The following FASTKD2 variants were observed in gnomAD, a reference collection of about 807,000 sequenced individuals.
FASTKD2 encodes the protein FAST kinase domains 2, also known as FAST kinase domain-containing protein 2, mitochondrial.
In FASTKD2, 51 loss-of-function variants were observed where a neutral mutation model predicts 63.6. The observed-to-expected ratio is 0.80, with a 90% confidence interval of 0.64 to 1.01. The LOEUF is 1.01. FASTKD2 is among the 50% of genes least tolerant of loss of function. The probability of loss-of-function intolerance (pLI) is 0.00; values close to 1 mark genes in which losing one functional copy is unlikely to be tolerated. For missense variants in FASTKD2, 786 were observed against 831.1 expected, an observed-to-expected ratio of 0.95 and a Z score of 0.67; for synonymous variants, 284 against 293.4, an observed-to-expected ratio of 0.97 and a Z score of 0.33.
intron 10 of FASTKD2, chr2:206,789,298 C>T (rs748168819): frequency 3.9e-5 from 7 of 179,472 alleles, no homozygotes; most frequent in Non-Finnish European, 8.2e-5. Context: ...TGCTCTACCA[C>T]CAAGACTTTT....
intron 7 of FASTKD2, among the ~76,000 whole-genome samples, chr2:206,777,473 T>A (rs985429697): frequency 6.6e-6 from 1 of 152,202 alleles, no homozygotes; most frequent in African/African-American, 2.4e-5. Flanking sequence ...GTGTATCTCA[T>A]TAATTGACTT....
chr2:206,796,116 T>C lies in FASTKD2; in HGVS notation c.*4314T>C, dbSNP rs758277376. Among the ~76,000 whole-genome samples the C allele has an allele frequency of 6.6e-6, 1 of 152,224 alleles. No individual in the cohort carries two copies. Among genetic ancestry groups the C allele is most frequent in the Non-Finnish European group, 1.5e-5 (1 of 68,036 alleles). On this transcript the variant is annotated 3_prime_UTR_variant, in exon 12 of 12. Coordinates refer to ENST00000402774, the MANE Select transcript of FASTKD2 (RefSeq NM_001136193.2). ...TCTGTTATCAGCAAGTAAATCCTGA[T>C]TGATAAAGATACTACAATATATGCA...
Position 206,771,930 on chromosome 2 carries a change from T to G in FASTKD2, c.1027T>G (p.Leu343Val). ...ALRELDRFSV[L>V]NSQHMFEVLA... is the part of the protein sequence containing the mutation. ...GAGGGAATTAGACAGATTTTCTGTTTTGAATAGCCAACACATGTTTGAAGT... is the reference window on the plus strand; with the variant it reads ...GAGGGAATTAGACAGATTTTCTGTTGTGAATAGCCAACACATGTTTGAAGT... Residue 343 changes from leucine to valine, a missense_variant, in exon 5 of 12, where the codon TTG becomes GTG. Leu to Val is a conservative substitution (Grantham distance 32, BLOSUM62 1). Transcript: ENST00000402774. The G allele has an allele frequency of 6.2e-7, 1 of 1,610,658 alleles. No individual in the cohort carries two copies. Among genetic ancestry groups the G allele is most frequent in the Non-Finnish European group, 8.5e-7 (1 of 1,176,832 alleles).
chr2:206,791,750 A>G lies in FASTKD2; in HGVS notation c.2081A>G (p.Tyr694Cys). ...DAVTFLKTKI[Y>C]SVEALPVAAV... ...GTCACATTTTTGAAGACTAAAATCT[A>G]TTCAGTAGAAGCTCTTCCTGTTGCT... is the stretch of plus-strand genomic sequence containing the variant. The change falls in exon 12 of 12, where the codon TAT becomes TGT. Residue 694 changes from tyrosine to cysteine, a missense_variant. Tyr to Cys is a radical substitution (Grantham distance 194). Coordinates refer to ENST00000402774, the MANE Select transcript of FASTKD2 (RefSeq NM_001136193.2). 6.2e-7 allele frequency: 1 copy of G among 1,612,776 alleles called. No homozygotes were observed. Among genetic ancestry groups the G allele is most frequent in the Non-Finnish European group, 8.5e-7 (1 of 1,179,026 alleles).
Position 206,790,691 on chromosome 2 carries a change from GA to G in FASTKD2, c.2013+12del. The G allele has an allele frequency of 8.0e-6, 12 of 1,507,076 alleles. No homozygotes were observed. The highest frequency in any genetic ancestry group is 1.1e-5 in the Non-Finnish European group (12 of 1,082,548). The allele number at this position is 1,507,076 out of a possible 1,614,324, so 93.4% of individuals were successfully genotyped here. On this transcript the variant is annotated splice_donor_region_variant and intron_variant, in intron 11 of 11. Coordinates refer to ENST00000402774, the MANE Select transcript of FASTKD2 (RefSeq NM_001136193.2). ...ATGGGTTTTCATGTGATCTTGGTGA[GA>G]AAAAAATGCAAATGAAATATTCTTT... is the stretch of plus-strand genomic sequence containing the variant.
At chr2:206,777,210 T>G (rs1260425219) in intron 7 of FASTKD2, among the ~76,000 whole-genome samples, 1 of 152,118 alleles carries the variant, frequency 6.6e-6, no homozygotes, top group Non-Finnish European at 1.5e-5. Flanking sequence ...TTCCAGTACC[T>G]TGTTGAATAG....
intron 7 of FASTKD2, among the ~76,000 whole-genome samples, chr2:206,776,426 T>G (rs1559362191): frequency 1.3e-5 from 2 of 151,850 alleles, no homozygotes; most frequent in Admixed American, 6.6e-5. Context: ...TGGTATCATA[T>G]AAAAAAAATC....
intron 10 of FASTKD2, chr2:206,790,371 G>C (rs182736582): frequency 3.7e-6 from 2 of 534,384 alleles, no homozygotes; most frequent in African/African-American, 3.8e-5. Flanking sequence ...GTATAATGTT[G>C]TATATTTTTG....
chr2:206,770,759 C>T (rs1269392357), intron 3 of FASTKD2, among the ~76,000 whole-genome samples: 13 of 150,304 alleles, frequency 8.6e-5, no homozygotes, highest in African/African-American at 1.2e-4. Context: ...AGTACTGATG[C>T]GGGGTAGGAG....
Position 206,779,894 on chromosome 2 carries a change from T to G in FASTKD2, c.1427+5497T>G, listed in dbSNP as rs376865099. Among the ~76,000 whole-genome samples, 31 of 152,338 alleles carry G rather than the reference T, an allele frequency of 2.0e-4. 1 individual carries two copies. The South Asian group carries it at 6.0e-3, about 30-fold the overall frequency. On this transcript the variant is annotated intron_variant, in intron 7 of 11. Transcript: ENST00000402774. ...TGTTTCAATTCCTTTCTGTTTTTCT[T>G]TGGTGTAGTCTCTAAAGGTGTTTCA... is the stretch of plus-strand genomic sequence containing the variant.
intron 7 of FASTKD2, among the ~76,000 whole-genome samples, chr2:206,781,894 G>T (rs1689994451): frequency 6.6e-6 from 1 of 151,990 alleles, no homozygotes; most frequent in African/African-American, 2.4e-5. Context: ...TCCTTGTGAG[G>T]TGAGATAGAA....
At chr2:206,773,613 T>C (rs1044809849) in intron 6 of FASTKD2, among the ~76,000 whole-genome samples, 2 of 152,250 alleles carry the variant, frequency 1.3e-5, no homozygotes, top group Non-Finnish European at 1.5e-5. Context: ...CTAGGTTCAG[T>C]TTATTTTGGA....
chr2:206,775,801 C>G (rs1171237796), intron 7 of FASTKD2, among the ~76,000 whole-genome samples: 1 of 151,912 alleles, frequency 6.6e-6, no homozygotes, highest in African/African-American at 2.4e-5. Flanking sequence ...TTCAAGGAAG[C>G]TTCATACTGT....
intron 7 of FASTKD2, 24 bp from the exon 8 acceptor site, chr2:206,786,709 A>G (rs1690145925): frequency 6.2e-7 from 1 of 1,611,124 alleles, no homozygotes; most frequent in South Asian, 1.1e-5. Context: ...TATGTTGGGA[A>G]ACTGACTTTT....
At position 206,774,408 on chromosome 2, in the gene FASTKD2, G is replaced by GTT; in HGVS notation, c.1427+19_1427+20dup. Reference sequence around the variant, plus strand: ...ATGCCAGAACAAAGAGTATGTACTTGTTTTTTTTTACCTTTTTTATTGCCA... The same window carrying GTT: ...ATGCCAGAACAAAGAGTATGTACTTGTTTTTTTTTTTACCTTTTTTATTGCCA... On this transcript the variant is annotated intron_variant, in intron 7 of 11. Transcript: ENST00000402774. The GTT allele has an allele frequency of 1.3e-6, 2 of 1,529,976 alleles. No homozygotes were observed. Among genetic ancestry groups the GTT allele is most frequent in the Non-Finnish European group, 1.8e-6 (2 of 1,113,470 alleles). 94.8% of individuals were successfully genotyped at this position (1,529,976 alleles called of 1,614,324 possible).
chr2:206,766,503 TA>T (rs906901352), intron 1 of FASTKD2, 140 bp from the exon 2 acceptor site: 14 of 573,074 alleles, frequency 2.4e-5, no homozygotes, highest in South Asian at 8.3e-5. Flanking sequence ...CCCACATTGG[TA>T]AAAAAAACTT....
chr2:206,769,602 A>T (rs1689612331), intron 2 of FASTKD2, among the ~76,000 whole-genome samples: 1 of 152,210 alleles, frequency 6.6e-6, no homozygotes, highest in African/African-American at 2.4e-5. Flanking sequence ...TGTGAATCAG[A>T]AGACTCACAA....
chr2:206,772,264 T>A lies in FASTKD2; in HGVS notation c.1198T>A (p.Phe400Ile). 1 of 1,613,402 alleles carries A rather than the reference T, an allele frequency of 6.2e-7. No homozygotes were observed. The highest frequency in any genetic ancestry group is 8.5e-7 in the Non-Finnish European group (1 of 1,179,274). Residue 400 changes from phenylalanine (F) to isoleucine (I), a missense_variant, in exon 6 of 12, where the codon TTC becomes ATC. Phe to Ile is a conservative substitution (Grantham distance 21). Coordinates refer to ENST00000402774, the MANE Select transcript of FASTKD2 (RefSeq NM_001136193.2). ...KDLQYHNLDL[F>I]KGLADYVAAT... ...CCTCCAGTACCATAATTTGGATCTC[T>A]TCAAGGGACTTGCAGATTATGTGGC... is the stretch of plus-strand genomic sequence containing the variant.
intron 7 of FASTKD2, among the ~76,000 whole-genome samples, chr2:206,782,796 A>G (rs534676182): frequency 3.1e-4 from 47 of 152,324 alleles, no homozygotes; most frequent in Admixed American, 3.0e-3. Context: ...GAGATGAGCT[A>G]TGTCTAATCT....
Sources: allele counts gnomAD v4.1 joint callset (sites outside exome capture counted in the v4.1 genomes callset), GRCh38; gene constraint gnomAD v4.1.1; transcripts MANE v1.5; gene names NCBI Gene and HGNC (gene_info 2026-07-23, HGNC 2026-07-21).